GRXCR2: variants seen among roughly 807,000 people sequenced by gnomAD.
GRXCR2 encodes glutaredoxin and cysteine rich domain containing 2, also known as glutaredoxin domain-containing cysteine-rich protein 2.
GRXCR2 carries 23 observed loss-of-function variants against 24.8 expected under a neutral mutation model. The ratio of observed to expected loss-of-function variants is 0.93; its 90% confidence interval spans 0.67 to 1.32. The LOEUF is 1.32. Ranked by LOEUF, GRXCR2 falls within the 40% of genes most tolerant of loss-of-function variation. The pLI, the probability that GRXCR2 is intolerant of heterozygous loss-of-function variation, is 0.00. For synonymous variants in GRXCR2, 130 were observed against 116.1 expected (o/e 1.12, Z -0.77); for missense variants, 315 against 303.4 (o/e 1.04, Z -0.28).
intron 2 of GRXCR2, among the ~76,000 whole-genome samples, chr5:145,926,588 T>C (rs538875544): frequency 2.2e-4 from 33 of 152,330 alleles, no homozygotes; most frequent in African/African-American, 7.7e-4. Context: ...TTGGTCTATA[T>C]CTCTGTGTTG....
At chr5:145,885,563 A>AT (rs1196741375) in intron 2 of GRXCR2, among the ~76,000 whole-genome samples, 9 of 152,212 alleles carry the variant, frequency 5.9e-5, no homozygotes, top group African/African-American at 1.9e-4. Context: ...GCTAGTAGTT[A>AT]TTTTGGGGTG....
At chr5:145,874,327 C>T (rs560921428), upstream of GRXCR2, among the ~76,000 whole-genome samples, 4 of 152,134 alleles carry the variant, frequency 2.6e-5, no homozygotes, top group Admixed American at 6.5e-5. Flanking sequence ...CCTCAGCCTC[C>T]CGAGTAGCTG....
In GRXCR2 at chr5:145,917,197, G is replaced by A. The variant is rs374799763; in HGVS notation, c.-70+18504C>T. Among the ~76,000 whole-genome samples, 28 of 150,188 alleles carry A rather than the reference G, an allele frequency of 1.9e-4. No individual in the cohort carries two copies. The East Asian group carries it at 2.2e-3, about 12-fold the overall frequency. On this transcript the variant is annotated intron_variant, in intron 2 of 3. Transcript: ENST00000639411. ...CAGTATTTGCCTGTTACTCCCACTC[G>A]CCCCCCGAGATTAATTTGCAAGTCT...
intron 2 of GRXCR2, among the ~76,000 whole-genome samples, chr5:145,919,636 C>T (rs1171771558): frequency 2.6e-5 from 4 of 152,068 alleles, no homozygotes; most frequent in Admixed American, 2.6e-4. Context: ...GGAGGAGAAG[C>T]TGTTAATTTT....
intron 2 of GRXCR2, among the ~76,000 whole-genome samples, chr5:145,907,940 T>C (rs1452608089): frequency 6.6e-6 from 1 of 152,138 alleles, no homozygotes; most frequent in Non-Finnish European, 1.5e-5. Flanking sequence ...GACTTCTAAG[T>C]GGAGACACGG....
intron 1 of GRXCR2, among the ~76,000 whole-genome samples, chr5:145,867,802 T>C (rs1756461756): frequency 6.6e-6 from 1 of 152,174 alleles, no homozygotes; most frequent in East Asian, 1.9e-4. Context: ...AAGGGGCTGA[T>C]ATCCAGCTGG....
chr5:145,866,781 G>A, intron 1 of GRXCR2, 53 bp from the exon 2 acceptor site: 1 of 1,152,818 alleles, frequency 8.7e-7, no homozygotes. Context: ...ACCAAGTAGA[G>A]GGCTGCAGAA....
intron 2 of GRXCR2, among the ~76,000 whole-genome samples, chr5:145,879,564 G>A (rs567084353): frequency 5.9e-5 from 9 of 152,282 alleles, no homozygotes; most frequent in African/African-American, 1.4e-4. Flanking sequence ...AGTCCTTAGA[G>A]ACGGACAAAG....
At chr5:145,863,223 C>G (rs1756371200) in intron 2 of GRXCR2, among the ~76,000 whole-genome samples, 1 of 152,210 alleles carries the variant, frequency 6.6e-6, no homozygotes, top group Non-Finnish European at 1.5e-5. Flanking sequence ...AACAAAGAGG[C>G]TCTTGGTCAG....
intron 1 of GRXCR2, among the ~76,000 whole-genome samples, chr5:145,871,761 A>C (rs901245979): frequency 6.6e-6 from 1 of 152,234 alleles, no homozygotes; most frequent in African/African-American, 2.4e-5. Flanking sequence ...AAAATAATTC[A>C]AGAGTAATTA....
intron 2 of GRXCR2, among the ~76,000 whole-genome samples, chr5:145,881,754 A>C (rs1174625207): frequency 6.6e-6 from 1 of 152,230 alleles, no homozygotes; most frequent in Admixed American, 6.5e-5. Context: ...GCATCATGCT[A>C]CCTGACTTCA....
chr5:145,931,551 G>C (rs947545763), intron 2 of GRXCR2, among the ~76,000 whole-genome samples: 1 of 152,084 alleles, frequency 6.6e-6, no homozygotes, highest in Admixed American at 6.6e-5. Context: ...TTCATCCTGG[G>C]TCTGTATCCT....
At chr5:145,874,369 A>C (rs1756581269), upstream of GRXCR2, among the ~76,000 whole-genome samples, 1 of 151,660 alleles carries the variant, frequency 6.6e-6, no homozygotes, top group African/African-American at 2.4e-5. Context: ...ATGCCCAGCT[A>C]ATTTTTGTAT....
intron 2 of GRXCR2, among the ~76,000 whole-genome samples, chr5:145,918,543 GC>G (rs1757275146): frequency 6.6e-6 from 1 of 152,212 alleles, no homozygotes; most frequent in African/African-American, 2.4e-5. Flanking sequence ...AGTCCTGTGG[GC>G]ATGGGGAAAG....
At chr5:145,872,276 G>A (rs1359846924) in intron 1 of GRXCR2, among the ~76,000 whole-genome samples, 2 of 152,100 alleles carry the variant, frequency 1.3e-5, no homozygotes, top group Non-Finnish European at 2.9e-5. Context: ...AGCTCTTTCA[G>A]GAAACAAAAT....
intron 2 of GRXCR2, among the ~76,000 whole-genome samples, chr5:145,930,658 A>T (rs150844439): frequency 6.2e-4 from 94 of 152,346 alleles, no homozygotes; most frequent in Admixed American, 8.5e-4. Context: ...TTAGGGATAC[A>T]TTGTGTAAGA....
chr5:145,918,287 T>G (rs1402022833), intron 2 of GRXCR2, among the ~76,000 whole-genome samples: 1 of 152,138 alleles, frequency 6.6e-6, no homozygotes, highest in Non-Finnish European at 1.5e-5. Flanking sequence ...TCATTCCCAC[T>G]TTACGGAGGA....
At chr5:145,910,645 G>T (rs1757152308) in intron 2 of GRXCR2, among the ~76,000 whole-genome samples, 1 of 152,044 alleles carries the variant, frequency 6.6e-6, no homozygotes, top group African/African-American at 2.4e-5. Context: ...GTGACACATA[G>T]CTGTACCTCC....
chr5:145,896,800 T>C (rs1172315095), intron 2 of GRXCR2, among the ~76,000 whole-genome samples: 1 of 152,072 alleles, frequency 6.6e-6, no homozygotes, highest in Non-Finnish European at 1.5e-5. Flanking sequence ...ACCCAAAGGA[T>C]TATGAATCAT....
Sources: gnomAD v4.1 joint callset for allele counts (sites outside exome capture counted in the v4.1 genomes callset) on GRCh38, gnomAD v4.1.1 for gene constraint, MANE v1.5 for transcripts, NCBI Gene and HGNC (gene_info 2026-07-23, HGNC 2026-07-21) for gene names.